Variants in HEXB observed in about 807,000 individuals in gnomAD.
HEXB encodes the protein hexosaminidase subunit beta.
Under a neutral mutation model 71.2 loss-of-function variants are expected in HEXB, and 51 were observed. The ratio of observed to expected loss-of-function variants is 0.72; its 90% confidence interval spans 0.57 to 0.90. HEXB has a LOEUF of 0.90. HEXB is among the 40% of genes least tolerant of loss of function. The probability of loss-of-function intolerance (pLI) is 0.00; values close to 1 mark genes in which losing one functional copy is unlikely to be tolerated. For missense variants in HEXB, 617 were observed against 677.0 expected (o/e 0.91, Z 0.98); for synonymous variants, 266 against 249.3 (o/e 1.07, Z -0.63).
intron 1 of HEXB, among the ~76,000 whole-genome samples, chr5:74,679,675 C>G (rs1469764270): frequency 6.6e-6 from 1 of 151,910 alleles, no homozygotes; most frequent in Non-Finnish European, 1.5e-5. Flanking sequence ...TGGCCCACAC[C>G]TGTAATCCTA....
intron 1 of HEXB, among the ~76,000 whole-genome samples, chr5:74,649,356 C>T (rs1748061436): frequency 6.6e-6 from 1 of 152,176 alleles, no homozygotes; most frequent in Non-Finnish European, 1.5e-5. Context: ...ACTCATTTGT[C>T]CAATGGGATG....
At chr5:74,710,332 T>C (rs1351597517) in intron 6 of HEXB, among the ~76,000 whole-genome samples, 2 of 151,224 alleles carry the variant, frequency 1.3e-5, no homozygotes, top group African/African-American at 4.8e-5. Context: ...GCCAATATCA[T>C]ACTGAATGGG....
chr5:74,717,903 A>T (rs1749715969), intron 9 of HEXB, among the ~76,000 whole-genome samples: 1 of 152,162 alleles, frequency 6.6e-6, no homozygotes, highest in Non-Finnish European at 1.5e-5. Context: ...TAACTGTTAC[A>T]TGTAATTTAT....
At chr5:74,713,141 A>C (rs1749588226) in intron 6 of HEXB, among the ~76,000 whole-genome samples, 1 of 152,218 alleles carries the variant, frequency 6.6e-6, no homozygotes, top group South Asian at 2.1e-4. Context: ...TGATAGTAGA[A>C]ACTCTTGAAA....
chr5:74,700,809 G>C (rs1338037052), intron 5 of HEXB, among the ~76,000 whole-genome samples: 2 of 152,066 alleles, frequency 1.3e-5, no homozygotes, highest in Admixed American at 1.3e-4. Context: ...TCAGATTCAA[G>C]TGATTCTTCT....
chr5:74,671,256 C>G (rs142724986), intron 1 of HEXB, among the ~76,000 whole-genome samples: 1 of 152,252 alleles, frequency 6.6e-6, no homozygotes, highest in African/African-American at 2.4e-5. Context: ...GTCCACTGAA[C>G]CCTTGAGTAC....
intron 1 of HEXB, among the ~76,000 whole-genome samples, chr5:74,658,875 C>A (rs1225985487): frequency 2.6e-5 from 4 of 152,178 alleles, no homozygotes; most frequent in South Asian, 4.2e-4. Flanking sequence ...ATTTAGGGAA[C>A]CCACCCTCTA....
intron 1 of HEXB, among the ~76,000 whole-genome samples, chr5:74,676,079 G>C (rs1246284297): frequency 6.6e-6 from 1 of 152,210 alleles, no homozygotes; most frequent in Admixed American, 6.5e-5. Context: ...AGTTTTCTCT[G>C]AATTGAGCTA....
intron 9 of HEXB, among the ~76,000 whole-genome samples, chr5:74,718,056 C>G (rs1749719345): frequency 6.6e-6 from 1 of 152,152 alleles, no homozygotes; most frequent in Non-Finnish European, 1.5e-5. Flanking sequence ...ATGTTTAACT[C>G]ATTCATTCAG....
chr5:74,668,948 G>A (rs1396282137), intron 1 of HEXB, among the ~76,000 whole-genome samples: 3 of 152,024 alleles, frequency 2.0e-5, no homozygotes, highest in Admixed American at 1.3e-4. Flanking sequence ...TGGTTTGTGC[G>A]GGCATTTTTT....
At chr5:74,654,650 A>AG (rs1163248269) in intron 1 of HEXB, among the ~76,000 whole-genome samples, 1 of 152,122 alleles carries the variant, frequency 6.6e-6, no homozygotes, top group Non-Finnish European at 1.5e-5. Context: ...GTGGATCTAG[A>AG]GGGGGAAACG....
intron 5 of HEXB, among the ~76,000 whole-genome samples, chr5:74,704,560 TA>T (rs1749336894): frequency 1.3e-5 from 2 of 152,156 alleles, no homozygotes; most frequent in Admixed American, 1.3e-4. Flanking sequence ...TCCTGGTACT[TA>T]AATGAATGCT....
intron 7 of HEXB, among the ~76,000 whole-genome samples, chr5:74,714,801 G>A (rs148009358): frequency 6.6e-6 from 1 of 152,336 alleles, no homozygotes; most frequent in East Asian, 1.9e-4. Flanking sequence ...ATGGGGAATA[G>A]TGAGAGGTAA....
chr5:74,646,008 G>A, intron 1 of HEXB, among the ~76,000 whole-genome samples: 1 of 151,240 alleles, frequency 6.6e-6, no homozygotes, highest in East Asian at 1.9e-4. Context: ...ACCAAACTTG[G>A]ATCCCTACTT....
chr5:74,713,441 G>A (rs764245509), intron 6 of HEXB, 65 bp from the exon 7 acceptor site: 10 of 1,518,162 alleles, frequency 6.6e-6, no homozygotes, highest in Non-Finnish European at 9.1e-6. Context: ...AAGCACAATT[G>A]TTAACAATTT....
At chr5:74,660,577 G>C (rs1288823339) in intron 1 of HEXB, among the ~76,000 whole-genome samples, 1 of 152,194 alleles carries the variant, frequency 6.6e-6, no homozygotes, top group African/African-American at 2.4e-5. Flanking sequence ...GGAGCCATCA[G>C]CTCCCACTCC....
chr5:74,706,973 T>G (rs1399474306), intron 6 of HEXB, among the ~76,000 whole-genome samples: 17 of 152,302 alleles, frequency 1.1e-4, no homozygotes, highest in Non-Finnish European at 2.4e-4. Flanking sequence ...GCTGGAGATC[T>G]GAGAACGGGC....
intron 7 of HEXB, among the ~76,000 whole-genome samples, chr5:74,714,268 A>G (rs904399335): frequency 1.3e-5 from 2 of 152,356 alleles, no homozygotes; most frequent in East Asian, 1.9e-4. Flanking sequence ...ATACAATTCA[A>G]TAGCTACTCT....
At chr5:74,679,124 T>C (rs761421742) in intron 1 of HEXB, among the ~76,000 whole-genome samples, 3 of 152,192 alleles carry the variant, frequency 2.0e-5, no homozygotes, top group Non-Finnish European at 4.4e-5. Flanking sequence ...AAATAATCCT[T>C]GGGATATATA....
Sources: allele counts gnomAD v4.1 joint callset (sites outside exome capture counted in the v4.1 genomes callset), GRCh38; gene constraint gnomAD v4.1.1; transcripts MANE v1.5; gene names NCBI Gene and HGNC (gene_info 2026-07-23, HGNC 2026-07-21).